Variants in MEGF11 observed in about 807,000 individuals in gnomAD.
MEGF11 encodes multiple EGF like domains 11, also known as multiple epidermal growth factor-like domains protein 11.
Under a neutral mutation model 146.6 loss-of-function variants are expected in MEGF11, and 126 were observed. The ratio of observed to expected loss-of-function variants is 0.86; its 90% CI spans 0.74 to 1.00. The LOEUF is 1.00. Ranked by LOEUF, MEGF11 falls within the 50% of genes least tolerant of loss-of-function variation. The pLI is 0.00. For missense variants in MEGF11, 1,509 were observed against 1,521.2 expected, an observed-to-expected ratio of 0.99 and a Z score of 0.13; for synonymous variants, 532 against 583.4, an observed-to-expected ratio of 0.91 and a Z score of 1.27.
At chr15:66,096,495 G>T (rs1325583942) in intron 4 of MEGF11, among the ~76,000 whole-genome samples, 3 of 151,958 alleles carry the variant, frequency 2.0e-5, no homozygotes, top group Non-Finnish European at 4.4e-5. Flanking sequence ...CTCTGAAGGT[G>T]GAGAGAGCCC....
chr15:66,242,713 A>C (rs757146016), intron 1 of MEGF11, among the ~76,000 whole-genome samples: 1 of 152,190 alleles, frequency 6.6e-6, no homozygotes, highest in Non-Finnish European at 1.5e-5. Context: ...AGTGGGACAC[A>C]GAAGTTACTG....
At chr15:66,190,854 T>A (rs1259551185) in intron 1 of MEGF11, among the ~76,000 whole-genome samples, 1 of 152,164 alleles carries the variant, frequency 6.6e-6, no homozygotes, top group Non-Finnish European at 1.5e-5. Context: ...TTTGCATAAA[T>A]TTGCTTGTTT....
At chr15:66,001,249 TTC>T (rs1407105053) in intron 5 of MEGF11, among the ~76,000 whole-genome samples, 1 of 152,102 alleles carries the variant, frequency 6.6e-6, no homozygotes, top group Non-Finnish European at 1.5e-5. Flanking sequence ...CCACGAAAGT[TTC>T]TCTGTGTCTA....
Position 66,047,310 on chromosome 15 carries a change from T to C in MEGF11, c.394+47092A>G, listed in dbSNP as rs2084249583. Among the ~76,000 whole-genome samples the C allele has an allele frequency of 3.3e-5, 5 of 152,220 alleles. No homozygotes were observed. In the South Asian group the frequency reaches 1.0e-3, roughly 32 times the overall value. On this transcript the variant is annotated intron_variant, in intron 5 of 25. Transcript: ENST00000395614. ...TGGGATTCAATCCCAGCTTTGGCGT[T>C]TCCTAGCTGTGTGACCTGGGGCCAG...
intron 5 of MEGF11, among the ~76,000 whole-genome samples, chr15:66,001,042 G>C (rs2082351297): frequency 6.6e-6 from 1 of 152,190 alleles, no homozygotes; most frequent in South Asian, 2.1e-4. Flanking sequence ...ACTCTGGTTG[G>C]AGAGTCTCTA....
intron 2 of MEGF11, among the ~76,000 whole-genome samples, chr15:66,125,315 G>C (rs1345459377): frequency 1.3e-5 from 2 of 152,194 alleles, no homozygotes; most frequent in Admixed American, 1.3e-4. Flanking sequence ...CCAGGCTTGG[G>C]GAAACTGAGG....
intron 1 of MEGF11, among the ~76,000 whole-genome samples, chr15:66,170,817 C>A (rs2090230764): frequency 6.6e-6 from 1 of 152,064 alleles, no homozygotes; most frequent in African/African-American, 2.4e-5. Context: ...GACTGCAGCC[C>A]CTGTCCAGGA....
intron 1 of MEGF11, among the ~76,000 whole-genome samples, chr15:66,203,503 G>A (rs1314580448): frequency 2.6e-5 from 4 of 152,196 alleles, no homozygotes; most frequent in Admixed American, 6.5e-5. Flanking sequence ...CTGAGTATGT[G>A]AGGGTGAACT....
chr15:65,975,981 G>C (rs1245279290), intron 7 of MEGF11, among the ~76,000 whole-genome samples: 1 of 151,920 alleles, frequency 6.6e-6, no homozygotes, highest in African/African-American at 2.4e-5. Flanking sequence ...TTAGGAGAGG[G>C]CTATGGCCTG....
chr15:66,172,324 G>A (rs113269013), intron 1 of MEGF11, among the ~76,000 whole-genome samples: 81 of 152,288 alleles, frequency 5.3e-4, no homozygotes, highest in African/African-American at 1.6e-3. Context: ...CCATTGCCTC[G>A]TGGGCTGGGT....
chr15:66,122,818 G>A (rs1337877214), intron 3 of MEGF11, among the ~76,000 whole-genome samples: 4 of 151,960 alleles, frequency 2.6e-5, no homozygotes, highest in South Asian at 4.2e-4. Context: ...TCGCTCTGTC[G>A]CCCAGGCTGG....
chr15:66,135,431 G>C (rs1251230394), intron 1 of MEGF11, among the ~76,000 whole-genome samples: 1 of 152,192 alleles, frequency 6.6e-6, no homozygotes, highest in Non-Finnish European at 1.5e-5. Context: ...AGACTCAGGC[G>C]GGGCCCTGCC....
chr15:66,065,456 G>T (rs1055655628), intron 5 of MEGF11, among the ~76,000 whole-genome samples: 1 of 152,204 alleles, frequency 6.6e-6, no homozygotes, highest in African/African-American at 2.4e-5. Flanking sequence ...GTCTGGATCT[G>T]AGGGTCCACT....
chr15:66,022,194 T>C (rs1226881913), intron 5 of MEGF11, among the ~76,000 whole-genome samples: 2 of 152,194 alleles, frequency 1.3e-5, no homozygotes, highest in East Asian at 1.9e-4. Context: ...CTGCATGTGG[T>C]GGTAGCCAGG....
Position 65,916,149 on chromosome 15 carries a change from C to G in MEGF11, c.2343G>C (p.Gln781His), listed in dbSNP as rs2078989850. 6.3e-7 allele frequency: 1 copy of G among 1,588,226 alleles called. No individual in the cohort carries two copies. Among genetic ancestry groups the G allele is most frequent in the South Asian group, 1.2e-5 (1 of 86,932 alleles). ...RTGFTGQHCE[Q>H]RCAPGTFGYG... ...GGATCAGGGGTCAGGGCAGCTTACT[C>G]TGCTCACAGTGTTGCCCGGTGAAGC... Residue 781 changes from glutamine to histidine, a missense_variant and splice_region_variant, in exon 18 of 26, where the codon CAG becomes CAC. By Grantham distance (24) the Gln-to-His change is conservative (BLOSUM62 0). Coordinates refer to ENST00000395614, the MANE Select transcript of MEGF11 (RefSeq NM_001385028.1).
chr15:66,118,412 G>A (rs2087841308), intron 4 of MEGF11, among the ~76,000 whole-genome samples: 1 of 152,186 alleles, frequency 6.6e-6, no homozygotes, highest in Admixed American at 6.5e-5. Context: ...GCAGCTGCCA[G>A]CAACTCAGCT....
chr15:65,975,392 C>T (rs1248812909), intron 7 of MEGF11, among the ~76,000 whole-genome samples: 1 of 152,214 alleles, frequency 6.6e-6, no homozygotes, highest in East Asian at 1.9e-4. Context: ...TTCCGGCATT[C>T]CCTAGGGAAA....
chr15:65,907,031 G>A (rs902830689), intron 23 of MEGF11, among the ~76,000 whole-genome samples: 8 of 152,186 alleles, frequency 5.3e-5, no homozygotes, highest in Admixed American at 1.3e-4. Context: ...CTGGCTCAAA[G>A]TCAGAGCAAT....
intron 1 of MEGF11, among the ~76,000 whole-genome samples, chr15:66,169,172 C>A (rs1489340346): frequency 2.0e-5 from 3 of 152,226 alleles, no homozygotes; most frequent in Admixed American, 6.5e-5. Flanking sequence ...TGTGGTTTCA[C>A]GGAGGTGCAC....
Sources: gnomAD v4.1 joint callset for allele counts (sites outside exome capture counted in the v4.1 genomes callset) on GRCh38, gnomAD v4.1.1 for gene constraint, MANE v1.5 for transcripts, NCBI Gene and HGNC (gene_info 2026-07-23, HGNC 2026-07-21) for gene names.